SH3KBP1: variants seen among roughly 807,000 people sequenced by gnomAD.
SH3KBP1 encodes SH3 domain containing kinase binding protein 1.
Under a neutral mutation model 50.1 loss-of-function variants are expected in SH3KBP1, and 8 were observed. That is an observed-to-expected ratio of 0.16 (90% CI 0.09 to 0.29). The LOEUF is 0.29. Among genes scored for constraint, SH3KBP1 ranks in the 10% least tolerant of loss-of-function variants. The pLI is 1.00. For missense variants in SH3KBP1, 377 were observed against 535.2 expected, an observed-to-expected ratio of 0.70 and a Z score of 2.92; for synonymous variants, 227 against 218.6, an observed-to-expected ratio of 1.04 and a Z score of -0.34.
At chrX:19,695,336 G>A (rs990422225) in intron 5 of SH3KBP1, among the ~76,000 whole-genome samples, 2 of 111,358 alleles carry the variant, frequency 1.8e-5, no homozygotes, top group African/African-American at 6.5e-5. Flanking sequence ...AGAAGTATAT[G>A]GAGGCACAGC....
intron 2 of SH3KBP1, among the ~76,000 whole-genome samples, chrX:19,762,968 C>T (rs894760021): frequency 3.6e-5 from 4 of 112,150 alleles, no homozygotes; most frequent in African/African-American, 1.3e-4. Flanking sequence ...CTGCCTGAGG[C>T]AATCTCCTTT....
intron 9 of SH3KBP1, among the ~76,000 whole-genome samples, chrX:19,596,974 A>G (rs1420013625): frequency 9.0e-6 from 1 of 111,557 alleles, no homozygotes; most frequent in Admixed American, 9.5e-5. Flanking sequence ...GTTAATGTTG[A>G]TATTTTGACC....
intron 13 of SH3KBP1, among the ~76,000 whole-genome samples, chrX:19,568,236 T>C (rs1365192834): frequency 2.7e-5 from 3 of 111,762 alleles, no homozygotes; most frequent in African/African-American, 9.8e-5. Flanking sequence ...TAATTGTATA[T>C]TTTAAAATAG....
At chrX:19,671,160 G>T (rs955606414) in intron 6 of SH3KBP1, among the ~76,000 whole-genome samples, 2 of 111,746 alleles carry the variant, frequency 1.8e-5, no homozygotes, top group Non-Finnish European at 3.8e-5. Flanking sequence ...TTCGGACAAG[G>T]AACACACTGA....
intron 1 of SH3KBP1, among the ~76,000 whole-genome samples, chrX:19,872,689 T>A (rs781572385): frequency 4.4e-4 from 48 of 109,568 alleles, no homozygotes; most frequent in Non-Finnish European, 9.0e-4. Flanking sequence ...GGCAGGAGAA[T>A]GGCGTGAACC....
chrX:19,578,582 A>T (rs1479019652), intron 12 of SH3KBP1, among the ~76,000 whole-genome samples: 1 of 112,059 alleles, frequency 8.9e-6, no homozygotes, highest in East Asian at 2.8e-4. Context: ...CTGGAACCAG[A>T]TGGAAAGTTC....
At chrX:19,708,738 A>C (rs1342023217) in intron 3 of SH3KBP1, among the ~76,000 whole-genome samples, 2 of 111,905 alleles carry the variant, frequency 1.8e-5, no homozygotes, top group East Asian at 5.6e-4. Context: ...ATGCTTCTTA[A>C]AATGAAGTTC....
At chrX:19,675,989 C>T (rs1478440579) in intron 6 of SH3KBP1, among the ~76,000 whole-genome samples, 2 of 111,656 alleles carry the variant, frequency 1.8e-5, no homozygotes, top group African/African-American at 6.5e-5. Flanking sequence ...GTCTGAAAAT[C>T]CCAAACACTT....
At chrX:19,543,182 G>A (rs188899937) in intron 15 of SH3KBP1, among the ~76,000 whole-genome samples, 13 of 111,578 alleles carry the variant, frequency 1.2e-4, no homozygotes, top group African/African-American at 2.6e-4. Context: ...TGGAACAGAC[G>A]CCTTGTGAGC....
chrX:19,712,314 G>GCTT (rs2063795260), intron 3 of SH3KBP1, among the ~76,000 whole-genome samples: 2 of 111,864 alleles, frequency 1.8e-5, no homozygotes, highest in Non-Finnish European at 3.8e-5. Flanking sequence ...GCTAGACAGG[G>GCTT]CTTCCACTGA....
intron 9 of SH3KBP1, chrX:19,601,416 T>C (rs1040619921): frequency 3.1e-4 from 35 of 111,751 alleles, no homozygotes; most frequent in African/African-American, 1.1e-3. Context: ...TTTGCTACTT[T>C]GCCTCTTGAG....
chrX:19,813,893 T>G lies in SH3KBP1; in HGVS notation c.162+22232A>C, dbSNP rs1017595934. 2.7e-5 allele frequency among the ~76,000 whole-genome samples: 3 copies of G among 112,342 alleles called. No homozygotes were observed. In the East Asian group the frequency reaches 8.4e-4, roughly 31 times the overall value. On this transcript the variant is annotated intron_variant, in intron 2 of 17. Transcript: ENST00000397821. ...ACTGATATTAATAGCTAATATTTGT[T>G]GACAAATTAATATTTACCAAGTTGC...
chrX:19,825,933 A>G (rs1393254255), intron 2 of SH3KBP1, among the ~76,000 whole-genome samples: 1 of 112,035 alleles, frequency 8.9e-6, no homozygotes, highest in Non-Finnish European at 1.9e-5. Flanking sequence ...CCTGGCATAC[A>G]GTAAGGGCTC....
At chrX:19,685,646 T>C (rs1444407342) in intron 5 of SH3KBP1, among the ~76,000 whole-genome samples, 1 of 111,988 alleles carries the variant, frequency 8.9e-6, no homozygotes, top group African/African-American at 3.2e-5. Flanking sequence ...CTGTTCATTG[T>C]TTTTGCAAAT....
chrX:19,872,812 TTCTC>T (rs766238422), intron 1 of SH3KBP1, among the ~76,000 whole-genome samples: 27 of 98,015 alleles, frequency 2.8e-4, no homozygotes, highest in South Asian at 4.5e-4. Context: ...TCCATCTCTC[TTCTC>T]TCTCTCTCTC....
At position 19,617,774 on chromosome X, in the gene SH3KBP1, G is replaced by A. The variant is rs757099519; in HGVS notation, c.898-9729C>T. On this transcript the variant is annotated intron_variant, in intron 8 of 17. Transcript: ENST00000397821. ...GCCATCAGCCCAGAGGGGTGATTCC[G>A]GCCAGCTAAGGCCCTTCCCATCCAC... is the stretch of plus-strand genomic sequence containing the variant. Among the ~76,000 whole-genome samples, 8 of 111,921 alleles carry A rather than the reference G, an allele frequency of 7.1e-5. No individual in the cohort carries two copies. In the South Asian group the frequency reaches 3.0e-3, roughly 42 times the overall value.
At chrX:19,746,538 A>G in intron 2 of SH3KBP1, 97 bp from the exon 3 acceptor site, 1 of 790,785 alleles carries the variant, frequency 1.3e-6, no homozygotes. Context: ...AATGAACTAT[A>G]GCAATGCCAA....
In SH3KBP1 at chrX:19,636,333, G is replaced by GA. The variant is rs377183143; in HGVS notation, c.803-4376dup. On this transcript the variant is annotated intron_variant, in intron 7 of 17. Transcript: ENST00000397821. ...TGATAAAAAGCAATGACTCTTTCCA[G>GA]AAAAAAAAAAACACAACACAACAAA... Among the ~76,000 whole-genome samples the GA allele has an allele frequency of 4.5e-3, 450 of 100,399 alleles. 2 individuals carry two copies. The highest frequency in any genetic ancestry group is 0.017 in the Admixed American group (160 of 9,342). 87.2% of individuals were successfully genotyped at this position (100,399 alleles called of 115,157 possible).
intron 3 of SH3KBP1, among the ~76,000 whole-genome samples, chrX:19,715,192 G>A (rs1444173737): frequency 2.8e-5 from 3 of 106,937 alleles, no homozygotes; most frequent in Non-Finnish European, 5.8e-5. Flanking sequence ...AGGATTGTCC[G>A]AGCTTGGGGA....
Sources: allele counts gnomAD v4.1 joint callset (sites outside exome capture counted in the v4.1 genomes callset), GRCh38; gene constraint gnomAD v4.1.1; transcripts MANE v1.5; gene names NCBI Gene and HGNC (gene_info 2026-07-23, HGNC 2026-07-21).